DUOX1: variants seen among roughly 807,000 people sequenced by gnomAD.
DUOX1 encodes dual oxidase 1.
A neutral mutation model predicts 181.8 loss-of-function variants in DUOX1; 134 were observed. That is an observed-to-expected ratio of 0.74 (90% CI 0.64 to 0.85). The LOEUF (loss-of-function observed/expected upper bound fraction) is 0.85, where lower values mean the gene tolerates loss of function less well. Among genes scored for constraint, DUOX1 ranks in the 40% least tolerant of loss-of-function variants. DUOX1 has a pLI of 0.00. For synonymous variants in DUOX1, 798 were observed against 832.5 expected (o/e 0.96, Z 0.71); for missense variants, 1,814 against 2,064.4 (o/e 0.88, Z 2.35).
chr15:45,148,092 G>A (rs1896702205), intron 20 of DUOX1, 95 bp downstream of exon 20: 3 of 1,432,716 alleles, frequency 2.1e-6, no homozygotes, highest in Admixed American at 1.7e-5. Context: ...GGCCAAGGAA[G>A]GAAGCCTCCT....
chr15:45,137,859 G>A (rs1034005118), intron 9 of DUOX1, 65 bp from the exon 10 acceptor site: 5 of 1,366,434 alleles, frequency 3.7e-6, no homozygotes, highest in Non-Finnish European at 5.0e-6. Flanking sequence ...TCAGAGACCA[G>A]AACTGATGCC....
At chr15:45,152,179 G>A in intron 24 of DUOX1, 107 bp from the exon 25 acceptor site, 1 of 1,468,808 alleles carries the variant, frequency 6.8e-7, no homozygotes. Flanking sequence ...TGAAGACTGT[G>A]CGGGGGAGGC....
chr15:45,140,979 G>A lies in DUOX1; in HGVS notation c.1474G>A (p.Asp492Asn), dbSNP rs1409205961. 1.2e-6 allele frequency: 2 copies of A among 1,614,152 alleles called. No homozygotes were observed. Among genetic ancestry groups the A allele is most frequent in the Non-Finnish European group, 8.5e-7 (1 of 1,180,032 alleles). ...TGGGGGACTCCTGGAGAGCCACCGG[G>A]ACCCTGGACCTCTGTTCAGCACCAT... Reference protein sequence around the residue: ...LPGGLLESHRDPGPLFSTIVL... With the variant: ...LPGGLLESHRNPGPLFSTIVL... Residue 492 changes from aspartate (D) to asparagine (N), a missense_variant, in exon 13 of 34, where the codon GAC becomes AAC. By Grantham distance (23) the Asp-to-Asn change is conservative (BLOSUM62 1). This residue lies in a region of DUOX1 where 1,064 missense variants were observed against 1,152.9 expected (regional missense o/e 0.92). Coordinates refer to ENST00000389037, the MANE Select transcript of DUOX1 (RefSeq NM_175940.3).
In DUOX1 at chr15:45,138,092, G is replaced by GTGTGTT. The variant is rs1896381672; in HGVS notation, c.1113+83_1113+84insTTGTGT. ...TGTGTGTGTGTATGTGTGTGTGTGTGTGTGTGTGTGTGTGAGTGCATGGTG... is the reference window on the plus strand; with the variant it reads ...TGTGTGTGTGTATGTGTGTGTGTGTGTGTGTTTGTGTGTGTGTGTGAGTGCATGGTG... On this transcript the variant is annotated intron_variant, in intron 10 of 33. Transcript: ENST00000389037. 4.9e-6 allele frequency: 5 copies of GTGTGTT among 1,026,832 alleles called. No individual in the cohort carries two copies. In the East Asian group the frequency reaches 1.4e-4, roughly 29 times the overall value. The allele number at this position is 1,026,832 out of a possible 1,614,324, so 63.6% of individuals were successfully genotyped here.
chr15:45,145,154 G>A (rs757504814), intron 18 of DUOX1, 74 bp downstream of exon 18: 14 of 1,359,150 alleles, frequency 1.0e-5, no homozygotes, highest in East Asian at 4.9e-5. Flanking sequence ...GGGGTGACTC[G>A]AGGGGAAGTC....
chr15:45,135,071 T>C (rs1162556862), intron 4 of DUOX1, 33 bp from the exon 5 acceptor site: 2 of 1,601,480 alleles, frequency 1.2e-6, no homozygotes, highest in Non-Finnish European at 1.7e-6. Context: ...GGCCCTCTGC[T>C]TGCCCTAGCA....
chr15:45,136,846 T>C (rs1164076320), intron 9 of DUOX1, among the ~76,000 whole-genome samples: 1 of 151,556 alleles, frequency 6.6e-6, no homozygotes, highest in Admixed American at 6.6e-5. Context: ...GATATTACCC[T>C]CCCCCCCACC....
intron 11 of DUOX1, 74 bp downstream of exon 11, chr15:45,139,242 C>A: frequency 6.2e-7 from 1 of 1,610,118 alleles, no homozygotes; most frequent in Non-Finnish European, 8.5e-7. Context: ...CTTCCAGAAC[C>A]AGGTATGAGG....
In DUOX1 at chr15:45,139,110, G is replaced by A; in HGVS notation, c.1158G>A (p.Leu386=). 6.2e-7 allele frequency: 1 copy of A among 1,614,184 alleles called. No homozygotes were observed. Among genetic ancestry groups the A allele is most frequent in the Non-Finnish European group, 8.5e-7 (1 of 1,180,026 alleles). The change falls in exon 11 of 34, where the codon CTG becomes CTA. Residue 386 remains leucine, a synonymous_variant. Coordinates refer to ENST00000389037, the MANE Select transcript of DUOX1 (RefSeq NM_175940.3). The stretch of plus-strand genomic sequence containing the variant: ...CTGAAGATGTGGATGCACTGCTGCT[G>A]GGCATGGCCTCCCAGATCGCAGAGC... ...QSAEDVDALL[L]GMASQIAERE... is the part of the protein sequence containing the mutation.
chr15:45,138,046 G>A (rs1896376143), intron 10 of DUOX1, 32 bp downstream of exon 10: 2 of 1,477,706 alleles, frequency 1.4e-6, no homozygotes, highest in South Asian at 1.2e-5. Flanking sequence ...TGTGGTGGAT[G>A]TGTGTGTGTG....
chr15:45,139,884 C>A (rs936844884), intron 12 of DUOX1: 2 of 566,972 alleles, frequency 3.5e-6, no homozygotes, highest in African/African-American at 3.7e-5. Flanking sequence ...GTTCTCTCCA[C>A]CCTCCTGAGT....
chr15:45,141,868 T>C, intron 14 of DUOX1, 107 bp from the exon 15 acceptor site: 1 of 1,321,920 alleles, frequency 7.6e-7, no homozygotes, highest in Middle Eastern at 2.7e-4. Context: ...TCCCCTCAGC[T>C]ACCCAGAGTG....
chr15:45,151,168 G>A lies in DUOX1; in HGVS notation c.2934G>A (p.Glu978=). Residue 978 remains glutamate (E), a synonymous_variant, in exon 23 of 34, where the codon GAG becomes GAA. Transcript: ENST00000389037. ...CCCGCTGTTCCCGCAGCGACATTGAGACTGAGTTGACACCTCAGAGACTGC... is the reference window on the plus strand; with the variant it reads ...CCCGCTGTTCCCGCAGCGACATTGAAACTGAGTTGACACCTCAGAGACTGC... ...VSARCSRSDI[E]TELTPQRLQC... is the part of the protein sequence containing the mutation. 6.2e-7 allele frequency: 1 copy of A among 1,614,192 alleles called. No individual in the cohort carries two copies. The highest frequency in any genetic ancestry group is 2.2e-5 in the East Asian group (1 of 44,880).
chr15:45,138,078 A>ATATGTGTG, intron 10 of DUOX1, 64 bp downstream of exon 10: 1 of 547,328 alleles, frequency 1.8e-6, no homozygotes, highest in Admixed American at 3.6e-5. Flanking sequence ...GTGTGTGTGT[A>ATATGTGTG]TGTGTGTGTG....
At chr15:45,145,331 G>T (rs968131870) in intron 18 of DUOX1, among the ~76,000 whole-genome samples, 1 of 152,246 alleles carries the variant, frequency 6.6e-6, no homozygotes, top group East Asian at 1.9e-4. Context: ...GTTGCTTATC[G>T]CTCTCCTCAG....
chr15:45,137,360 C>CAAAAAAAA (rs748162336), intron 9 of DUOX1, among the ~76,000 whole-genome samples: 12 of 46,422 alleles, frequency 2.6e-4, no homozygotes, highest in East Asian at 2.1e-3. Flanking sequence ...AACTCCATCT[C>CAAAAAAAA]AAAAAAAAAA....
rs1027822921 is a variant in DUOX1 at position 45,135,547 on chromosome 15, G to C, written c.569G>C (p.Arg190Pro). The change falls in exon 6 of 34, where the codon CGG becomes CCG. Residue 190 changes from arginine (R) to proline (P), a missense_variant. Arg to Pro is a moderately radical substitution (Grantham distance 103). Coordinates refer to ENST00000389037, the MANE Select transcript of DUOX1 (RefSeq NM_175940.3). ...TCGCATTCCTGGAGCGACGCGCTGCGGAGCTTCTCCAGGGGACAGCTGGCG... is the reference window on the plus strand; with the variant it reads ...TCGCATTCCTGGAGCGACGCGCTGCCGAGCTTCTCCAGGGGACAGCTGGCG... ...GSSHSWSDAL[R>P]SFSRGQLASG... The C allele has an allele frequency of 1.9e-6, 3 of 1,558,752 alleles. No individual in the cohort carries two copies. Among genetic ancestry groups the C allele is most frequent in the Non-Finnish European group, 2.6e-6 (3 of 1,152,678 alleles).
Position 45,165,228 on chromosome 15 carries a change from T to C in DUOX1, c.*327T>C, listed in dbSNP as rs371153074. 119 of 379,272 alleles carry C rather than the reference T, an allele frequency of 3.1e-4. 2 individuals are homozygous for C. In the East Asian group the frequency reaches 4.5e-3, roughly 14 times the overall value. The allele number at this position is 379,272 out of a possible 1,614,324, so 23.5% of individuals were successfully genotyped here. On this transcript the variant is annotated 3_prime_UTR_variant, in exon 34 of 34. Coordinates refer to ENST00000389037, the MANE Select transcript of DUOX1 (RefSeq NM_175940.3). ...AGACAAGCTGACCTGACAAGTACTATGTGTGTGCATGTCTGTATGTGTGTT... is the reference window on the plus strand; with the variant it reads ...AGACAAGCTGACCTGACAAGTACTACGTGTGTGCATGTCTGTATGTGTGTT...
At chr15:45,151,049 G>C in intron 22 of DUOX1, 74 bp from the exon 23 acceptor site, 1 of 1,586,212 alleles carries the variant, frequency 6.3e-7, no homozygotes, top group Non-Finnish European at 8.6e-7. Flanking sequence ...AATGGGTTTG[G>C]AGGCAGACCA....
Sources: allele counts gnomAD v4.1 joint callset (sites outside exome capture counted in the v4.1 genomes callset), GRCh38; gene constraint gnomAD v4.1.1; regional missense constraint gnomAD v4.1.1; transcripts MANE v1.5; gene names NCBI Gene and HGNC (gene_info 2026-07-23, HGNC 2026-07-21).